Variants in CCDC178 observed in about 807,000 individuals in gnomAD.
CCDC178 encodes the protein coiled-coil domain-containing protein 178.
Under a neutral mutation model 117.4 loss-of-function variants are expected in CCDC178, and 126 were observed. The ratio of observed to expected loss-of-function variants is 1.07; its 90% CI spans 0.93 to 1.24. The LOEUF (loss-of-function observed/expected upper bound fraction) is 1.24. Among genes scored for constraint, CCDC178 ranks in the 50% most tolerant of loss-of-function variants. The pLI is 0.00. For synonymous variants in CCDC178, 283 were observed against 313.4 expected (o/e 0.90, Z 1.02); for missense variants, 1,030 against 986.9 (o/e 1.04, Z -0.59).
intron 21 of CCDC178, among the ~76,000 whole-genome samples, chr18:32,992,825 G>A (rs987885163): frequency 1.3e-5 from 2 of 152,004 alleles, no homozygotes; most frequent in African/African-American, 2.4e-5. Context: ...AATTAAAAAC[G>A]TAAATTAGAT....
chr18:33,293,488 T>C lies in CCDC178; in HGVS notation c.1023-176A>G, dbSNP rs1568122934. Among the ~76,000 whole-genome samples, 12 of 92,082 alleles carry C rather than the reference T, an allele frequency of 1.3e-4. No homozygotes were observed. In the South Asian group the frequency reaches 4.4e-3, roughly 34 times the overall value. 60.4% of individuals were successfully genotyped at this position (92,082 alleles called of 152,430 possible). A position where few individuals can be genotyped will look rare whatever the true frequency, so the allele number is the denominator to read the frequency against. ...CAGCTTGGGCAACATGGAGAGACAA[T>C]GCCTTTACAAAAAAAAAAAATTGAA... is the stretch of plus-strand genomic sequence containing the variant. On this transcript the variant is annotated intron_variant, in intron 11 of 22. Transcript: ENST00000383096.
chr18:33,190,511 A>G (rs965161261), intron 20 of CCDC178, among the ~76,000 whole-genome samples: 1 of 152,126 alleles, frequency 6.6e-6, no homozygotes, highest in Non-Finnish European at 1.5e-5. Context: ...TTTCTGGGTA[A>G]TACTTTTCGT....
At chr18:33,230,756 C>A (rs1216476126) in intron 15 of CCDC178, among the ~76,000 whole-genome samples, 3 of 152,008 alleles carry the variant, frequency 2.0e-5, no homozygotes, top group African/African-American at 7.3e-5. Flanking sequence ...AGAGATGGGA[C>A]AGGTGGTAGA....
At chr18:32,957,381 GGT>G (rs1821176763) in intron 22 of CCDC178, among the ~76,000 whole-genome samples, 1 of 152,126 alleles carries the variant, frequency 6.6e-6, no homozygotes, top group Admixed American at 6.5e-5. Context: ...CATCCAAAAT[GGT>G]GTGATGTTAA....
chr18:33,061,701 T>G (rs2056923809), intron 21 of CCDC178, among the ~76,000 whole-genome samples: 1 of 152,196 alleles, frequency 6.6e-6, no homozygotes, highest in South Asian at 2.1e-4. Flanking sequence ...TAAGGCAAAT[T>G]CATAGATGCA....
At chr18:33,079,144 T>A (rs140389231) in intron 21 of CCDC178, among the ~76,000 whole-genome samples, 1 of 152,242 alleles carries the variant, frequency 6.6e-6, no homozygotes, top group East Asian at 1.9e-4. Flanking sequence ...TCATCTGATC[T>A]TCAAAAAAGC....
intron 21 of CCDC178, among the ~76,000 whole-genome samples, chr18:33,041,581 C>T (rs2056550601): frequency 6.6e-6 from 1 of 151,146 alleles, no homozygotes; most frequent in South Asian, 2.1e-4. Flanking sequence ...AAGAAAATGG[C>T]ATTATTCTTT....
intron 4 of CCDC178, among the ~76,000 whole-genome samples, chr18:33,395,067 A>T (rs1479933341): frequency 6.8e-6 from 1 of 147,798 alleles, no homozygotes; most frequent in Non-Finnish European, 1.5e-5. Flanking sequence ...TTCTAAGTGG[A>T]GCACAGGGTG....
intron 21 of CCDC178, among the ~76,000 whole-genome samples, chr18:33,040,042 A>G (rs2056519429): frequency 6.6e-6 from 1 of 151,986 alleles, no homozygotes. Context: ...GGAAGAAGAT[A>G]AATATAGTAT....
chr18:33,388,766 G>A (rs952366750), intron 5 of CCDC178, among the ~76,000 whole-genome samples: 9 of 151,560 alleles, frequency 5.9e-5, no homozygotes, highest in South Asian at 2.1e-4. Context: ...TGATCCGCCC[G>A]CCTCGGCCTC....
intron 2 of CCDC178, among the ~76,000 whole-genome samples, chr18:33,419,513 A>G (rs2063994314): frequency 6.6e-6 from 1 of 152,232 alleles, no homozygotes; most frequent in Non-Finnish European, 1.5e-5. Flanking sequence ...AGAATGGGAG[A>G]AAATATTTTC....
At chr18:33,432,431 G>T (rs1400836261) in intron 2 of CCDC178, among the ~76,000 whole-genome samples, 3 of 150,870 alleles carry the variant, frequency 2.0e-5, no homozygotes, top group South Asian at 2.1e-4. Context: ...GGTAGTAATA[G>T]ATTTCTCCAA....
At chr18:33,384,231 T>C (rs778490386) in intron 5 of CCDC178, among the ~76,000 whole-genome samples, 4 of 152,104 alleles carry the variant, frequency 2.6e-5, no homozygotes, top group Non-Finnish European at 5.9e-5. Flanking sequence ...ACCAAATCTA[T>C]GACTGATTAG....
At chr18:33,197,480 C>A (rs1003123747) in intron 20 of CCDC178, among the ~76,000 whole-genome samples, 3 of 151,862 alleles carry the variant, frequency 2.0e-5, no homozygotes, top group Admixed American at 6.6e-5. Flanking sequence ...AGAAGGGGGA[C>A]CCATTATAAT....
At chr18:33,434,377 T>C (rs1354298185) in intron 2 of CCDC178, among the ~76,000 whole-genome samples, 1 of 152,158 alleles carries the variant, frequency 6.6e-6, no homozygotes, top group East Asian at 1.9e-4. Context: ...TTCAAACTAG[T>C]GGGTAAAGAA....
At chr18:33,314,927 G>A (rs995230392) in intron 11 of CCDC178, among the ~76,000 whole-genome samples, 1 of 152,124 alleles carries the variant, frequency 6.6e-6, no homozygotes. Flanking sequence ...ATGATCCACA[G>A]GAAACCTTAA....
intron 15 of CCDC178, among the ~76,000 whole-genome samples, chr18:33,238,641 G>C (rs1221959446): frequency 6.6e-6 from 1 of 152,084 alleles, no homozygotes; most frequent in Non-Finnish European, 1.5e-5. Context: ...TAATGGGACA[G>C]CATAAATGAA....
intron 14 of CCDC178, among the ~76,000 whole-genome samples, chr18:33,245,839 G>A (rs1217202933): frequency 2.6e-5 from 4 of 151,814 alleles, no homozygotes; most frequent in African/African-American, 4.8e-5. Context: ...TCTCAACTTC[G>A]ATATTATTAA....
At chr18:33,336,397 G>T (rs558189570) in intron 9 of CCDC178, among the ~76,000 whole-genome samples, 1 of 152,182 alleles carries the variant, frequency 6.6e-6, no homozygotes, top group African/African-American at 2.4e-5. Context: ...ATCTAACACT[G>T]ATGTCTATTT....
Sources: allele counts gnomAD v4.1 joint callset (sites outside exome capture counted in the v4.1 genomes callset), GRCh38; gene constraint gnomAD v4.1.1; transcripts MANE v1.5; gene names NCBI Gene and HGNC (gene_info 2026-07-23, HGNC 2026-07-21).